The following ELOVL7 variants were observed in gnomAD, a reference collection of about 807,000 sequenced individuals.
ELOVL7 encodes the protein very long chain fatty acid elongase 7.
In ELOVL7, 27 loss-of-function variants were observed where a neutral mutation model predicts 35.7. That is an observed-to-expected ratio of 0.76 (90% CI 0.56 to 1.04). The LOEUF (loss-of-function observed/expected upper bound fraction) is 1.04, where lower values mean the gene tolerates loss of function less well. Among genes scored for constraint, ELOVL7 ranks in the 50% least tolerant of loss-of-function variants. The probability of loss-of-function intolerance (pLI) is 0.00; values close to 1 mark genes in which losing one functional copy is unlikely to be tolerated. For missense variants in ELOVL7, 327 were observed against 340.8 expected, an observed-to-expected ratio of 0.96 and a Z score of 0.32; for synonymous variants, 113 against 114.6, an observed-to-expected ratio of 0.99 and a Z score of 0.09.
intron 1 of ELOVL7, among the ~76,000 whole-genome samples, chr5:60,835,412 AT>A (rs762839980): frequency 5.9e-5 from 9 of 151,776 alleles, no homozygotes; most frequent in Non-Finnish European, 1.0e-4. Context: ...TTCTGTTTTT[AT>A]TTTTGAATTT....
At chr5:60,760,088 G>A (rs998610949) in intron 7 of ELOVL7, among the ~76,000 whole-genome samples, 34 of 152,076 alleles carry the variant, frequency 2.2e-4, no homozygotes, top group Non-Finnish European at 3.7e-4. Context: ...GAATAGTGCC[G>A]CAATAAACAT....
chr5:60,767,047 GCT>G lies in ELOVL7; in HGVS notation c.337-419_337-418del, dbSNP rs1173840352. On this transcript the variant is annotated intron_variant, in intron 5 of 8. Transcript: ENST00000508821. ...AGTTAGAATTCCCTTCCTTTTAAAGGCTGAATCATATTCCATTCTATACATAT... is the reference window on the plus strand; with the variant it reads ...AGTTAGAATTCCCTTCCTTTTAAAGGGAATCATATTCCATTCTATACATAT... 2.0e-5 allele frequency among the ~76,000 whole-genome samples: 3 copies of G among 152,180 alleles called. No individual in the cohort carries two copies. The East Asian group carries it at 5.8e-4, about 29-fold the overall frequency.
chr5:60,773,519 A>G (rs569829832), intron 3 of ELOVL7, among the ~76,000 whole-genome samples: 5 of 152,338 alleles, frequency 3.3e-5, no homozygotes, highest in African/African-American at 1.2e-4. Context: ...CTGCATTCAA[A>G]TAAGCCTCCC....
At chr5:60,768,597 T>C in intron 4 of ELOVL7, 1 of 436,354 alleles carries the variant, frequency 2.3e-6, no homozygotes, top group Non-Finnish European at 4.6e-6. Context: ...AAGAGCCTAT[T>C]GTTGATAAAT....
In ELOVL7 at chr5:60,770,751, C is replaced by T. The variant is rs556758900; in HGVS notation, c.255+1152G>A. Among the ~76,000 whole-genome samples, 28 of 152,180 alleles carry T rather than the reference C, an allele frequency of 1.8e-4. No homozygotes were observed. The South Asian group carries it at 3.5e-3, about 19-fold the overall frequency. On this transcript the variant is annotated intron_variant, in intron 4 of 8. Transcript: ENST00000508821. ...TTTTTGAGACAGGGTCTTGCTCCGTCACTAGACATGATCACGGCTCATTGC... is the reference window on the plus strand; with the variant it reads ...TTTTTGAGACAGGGTCTTGCTCCGTTACTAGACATGATCACGGCTCATTGC...
At chr5:60,759,551 C>T (rs922504272) in intron 7 of ELOVL7, among the ~76,000 whole-genome samples, 2 of 151,582 alleles carry the variant, frequency 1.3e-5, no homozygotes, top group Non-Finnish European at 2.9e-5. Flanking sequence ...GGAACTATGT[C>T]AGAGCTTTTC....
At chr5:60,781,049 A>G (rs1743220421) in intron 3 of ELOVL7, among the ~76,000 whole-genome samples, 2 of 152,106 alleles carry the variant, frequency 1.3e-5, no homozygotes, top group South Asian at 4.1e-4. Context: ...GTCTCTACGA[A>G]AAATACAAAA....
intron 1 of ELOVL7, among the ~76,000 whole-genome samples, chr5:60,835,378 G>A (rs1746733644): frequency 6.6e-6 from 1 of 151,710 alleles, no homozygotes; most frequent in Non-Finnish European, 1.5e-5. Context: ...GGCAAGCTCA[G>A]GATATTTTTC....
chr5:60,808,264 C>T (rs942844207), intron 1 of ELOVL7, among the ~76,000 whole-genome samples: 26 of 151,012 alleles, frequency 1.7e-4, no homozygotes, highest in African/African-American at 4.1e-4. Context: ...CTAAAGTACA[C>T]GATTCAACAA....
At chr5:60,806,011 GAGAA>G (rs1249231346) in intron 1 of ELOVL7, among the ~76,000 whole-genome samples, 1 of 152,126 alleles carries the variant, frequency 6.6e-6, no homozygotes, top group African/African-American at 2.4e-5. Flanking sequence ...ACCTTATTTG[GAGAA>G]AGAGTCTTTC....
chr5:60,800,848 T>C (rs1208906699), intron 1 of ELOVL7, among the ~76,000 whole-genome samples: 1 of 152,260 alleles, frequency 6.6e-6, no homozygotes, highest in Non-Finnish European at 1.5e-5. Flanking sequence ...AATCCACTGT[T>C]GGTGGATGTG....
At chr5:60,816,393 A>G (rs928217043) in intron 1 of ELOVL7, among the ~76,000 whole-genome samples, 8 of 152,058 alleles carry the variant, frequency 5.3e-5, no homozygotes, top group African/African-American at 1.9e-4. Context: ...AAAAAAAAAA[A>G]AGAGTATAGG....
At chr5:60,842,154 T>C (rs1007897735) in intron 1 of ELOVL7, among the ~76,000 whole-genome samples, 1 of 152,156 alleles carries the variant, frequency 6.6e-6, no homozygotes, top group Non-Finnish European at 1.5e-5. Flanking sequence ...GAAGGGCATA[T>C]GTGTTCAAAG....
chr5:60,783,013 C>T lies in ELOVL7; in HGVS notation c.64+4321G>A, dbSNP rs915395897. Reference sequence around the variant, plus strand: ...TGATTTAATCATTTTATATTGGATACATATATCACAACATCACTTTGTACC... The same window carrying T: ...TGATTTAATCATTTTATATTGGATATATATATCACAACATCACTTTGTACC... On this transcript the variant is annotated intron_variant, in intron 3 of 8. Coordinates refer to ENST00000508821, the MANE Select transcript of ELOVL7 (RefSeq NM_024930.3). 4.6e-5 allele frequency among the ~76,000 whole-genome samples: 7 copies of T among 152,142 alleles called. No homozygotes were observed. The East Asian group carries it at 1.2e-3, about 25-fold the overall frequency.
chr5:60,755,168 T>C (rs1171692813), intron 8 of ELOVL7, among the ~76,000 whole-genome samples: 1 of 152,242 alleles, frequency 6.6e-6, no homozygotes, highest in Non-Finnish European at 1.5e-5. Context: ...TCCTTGACTA[T>C]GATGAAATGA....
At chr5:60,798,066 A>G (rs1042208782) in intron 2 of ELOVL7, among the ~76,000 whole-genome samples, 1 of 152,122 alleles carries the variant, frequency 6.6e-6, no homozygotes, top group African/African-American at 2.4e-5. Flanking sequence ...AAACCAATGT[A>G]CTTCTTACAT....
chr5:60,834,180 C>T (rs1208124267), intron 1 of ELOVL7, among the ~76,000 whole-genome samples: 2 of 151,744 alleles, frequency 1.3e-5, no homozygotes, highest in East Asian at 1.9e-4. Context: ...CTCGCTCTGT[C>T]GCCCAGGCTG....
chr5:60,840,750 C>A (rs1201165369), intron 1 of ELOVL7, among the ~76,000 whole-genome samples: 2 of 152,148 alleles, frequency 1.3e-5, no homozygotes, highest in Non-Finnish European at 2.9e-5. Flanking sequence ...AATGACCATA[C>A]TTGCTGACGA....
chr5:60,764,038 G>C (rs1336098539), intron 7 of ELOVL7, among the ~76,000 whole-genome samples, 189 bp downstream of exon 7: 1 of 152,130 alleles, frequency 6.6e-6, no homozygotes, highest in Admixed American at 6.5e-5. Flanking sequence ...TATATCTAAA[G>C]AGTGGGGTAA....
Sources: gnomAD v4.1 joint callset for allele counts (sites outside exome capture counted in the v4.1 genomes callset) on GRCh38, gnomAD v4.1.1 for gene constraint, MANE v1.5 for transcripts, NCBI Gene and HGNC (gene_info 2026-07-23, HGNC 2026-07-21) for gene names.